KIRREL3: variants seen among roughly 807,000 people sequenced by gnomAD.
KIRREL3 encodes the protein kin of IRRE-like protein 3.
In KIRREL3, 36 loss-of-function variants were observed where a neutral mutation model predicts 89.7. The observed-to-expected ratio is 0.40, with a 90% CI of 0.31 to 0.53. The LOEUF (loss-of-function observed/expected upper bound fraction) is 0.53, where lower values mean the gene tolerates loss of function less well. KIRREL3 is among the 20% of genes least tolerant of loss of function. The pLI is 0.49. For missense variants in KIRREL3, 864 were observed against 1,056.6 expected (o/e 0.82, Z 2.53); for synonymous variants, 445 against 441.4 (o/e 1.01, Z -0.10).
At position 126,708,413 on chromosome 11, in the gene KIRREL3, G is replaced by A. The variant is rs1286629011; in HGVS notation, c.56-145501C>T. On this transcript the variant is annotated intron_variant, in intron 1 of 16. Transcript: ENST00000525144. This position sits in a 1 kb window ranked among gnomAD's most constrained non-coding sequence, Gnocchi z 5.7. ...TCTTGGAAAATGGGGAAGTACATCT[G>A]TAATTCAGCTGTGAATACCCTATTT... 6.6e-6 allele frequency among the ~76,000 whole-genome samples: 1 copy of A among 152,170 alleles called. No homozygotes were observed. Among genetic ancestry groups the A allele is most frequent in the African/African-American group, 2.4e-5 (1 of 41,434 alleles).
rs1949966938 is a variant in KIRREL3 at position 126,769,946 on chromosome 11, T to C, written c.56-207034A>G. Among the ~76,000 whole-genome samples, 2 of 152,134 alleles carry C rather than the reference T, an allele frequency of 1.3e-5. No individual in the cohort carries two copies. Among genetic ancestry groups the C allele is most frequent in the Admixed American group, 1.3e-4 (2 of 15,278 alleles). On this transcript the variant is annotated intron_variant, in intron 1 of 16. Transcript: ENST00000525144. The surrounding 1 kb of genome is among the most constrained non-coding windows in gnomAD (Gnocchi z 4.3). ...TGTTGGGCACATAGCTAGAGCTCTG[T>C]GGATATTAGCTGTTGATTATAGTTG... is the stretch of plus-strand genomic sequence containing the variant.
chr11:126,457,276 T>C (rs1956389626), intron 6 of KIRREL3, among the ~76,000 whole-genome samples: 1 of 150,082 alleles, frequency 6.7e-6, no homozygotes, highest in African/African-American at 2.4e-5. Flanking sequence ...TGTGTGTGTA[T>C]GCATATGTGT....
chr11:126,671,022 C>T (rs922662423), intron 1 of KIRREL3, among the ~76,000 whole-genome samples: 3 of 151,976 alleles, frequency 2.0e-5, no homozygotes, highest in African/African-American at 7.3e-5. Context: ...AGAAATAGAC[C>T]CACACAAATA....
rs1324905946 is a variant in KIRREL3, at chr11:126,773,167, G to C, written c.56-210255C>G. Among the ~76,000 whole-genome samples the C allele has an allele frequency of 2.0e-5, 3 of 152,118 alleles. No homozygotes were observed. The highest frequency in any genetic ancestry group is 4.4e-5 in the Non-Finnish European group (3 of 68,020). On this transcript the variant is annotated intron_variant, in intron 1 of 16. Transcript: ENST00000525144. This position sits in a 1 kb window ranked among gnomAD's most constrained non-coding sequence, Gnocchi z 4.2. Reference sequence around the variant, plus strand: ...GTAGGTCTGTGATGATTGATTTTTTGTGTCAACTTTGCTGGGACATGGTGC... The same window carrying C: ...GTAGGTCTGTGATGATTGATTTTTTCTGTCAACTTTGCTGGGACATGGTGC...
Position 126,870,586 on chromosome 11 carries a change from C to T in KIRREL3, c.55+129869G>A, listed in dbSNP as rs919644907. On this transcript the variant is annotated intron_variant, in intron 1 of 16. Transcript: ENST00000525144. The surrounding 1 kb of genome is among the most constrained non-coding windows in gnomAD (Gnocchi z 4.4). The stretch of plus-strand genomic sequence containing the variant: ...CCCTCCTGGCTCCACCATACCCTCA[C>T]CATGCCAGGCTTGGCAGGCCCCAAA... 5.9e-5 allele frequency among the ~76,000 whole-genome samples: 9 copies of T among 152,250 alleles called. No individual in the cohort carries two copies. Among genetic ancestry groups the T allele is most frequent in the African/African-American group, 2.2e-4 (9 of 41,474 alleles).
At position 126,428,680 on chromosome 11, in the gene KIRREL3, G is replaced by GCTCT. The variant is rs1555099420; in HGVS notation, c.1806+495_1806+498dup. Among the ~76,000 whole-genome samples the GCTCT allele has an allele frequency of 6.6e-6, 1 of 152,018 alleles. No homozygotes were observed. Among genetic ancestry groups the GCTCT allele is most frequent in the Non-Finnish European group, 1.5e-5 (1 of 67,998 alleles). On this transcript the variant is annotated intron_variant, in intron 15 of 16. Transcript: ENST00000525144. This position sits in a 1 kb window ranked among gnomAD's most constrained non-coding sequence, Gnocchi z 6.4. ...TGTTGTTGTTTTGAGATGGAGTCTC[G>GCTCT]CTCTCACCCAGGCTGGGGTGCAGTG...
upstream of KIRREL3, among the ~76,000 whole-genome samples, chr11:127,001,893 A>G (rs926808933): frequency 6.6e-6 from 1 of 152,108 alleles, no homozygotes; most frequent in Non-Finnish European, 1.5e-5. Flanking sequence ...ATGCACTGTG[A>G]GAAGGAGAGG....
In KIRREL3 at chr11:126,484,116, TTAA is replaced by T. The variant is rs1209618370; in HGVS notation, c.434-10653_434-10651del. 6.6e-6 allele frequency among the ~76,000 whole-genome samples: 1 copy of T among 152,208 alleles called. No homozygotes were observed. The highest frequency in any genetic ancestry group is 1.5e-5 in the Non-Finnish European group (1 of 68,046). On this transcript the variant is annotated intron_variant, in intron 4 of 16. Coordinates refer to ENST00000525144, the MANE Select transcript of KIRREL3 (RefSeq NM_032531.4). The surrounding 1 kb of genome is among the most constrained non-coding windows in gnomAD (Gnocchi z 5.2). ...GTACAGTGCCTGGCATAGTGAGCAC[TTAA>T]TAAATACTTGTTGCCTGGTGCCTTG...
rs976338784 is a variant in KIRREL3, at chr11:126,541,388, C to A, written c.134-14701G>T. The stretch of plus-strand genomic sequence containing the variant: ...CTTGATGTTCTAACTTATCCAAAAT[C>A]CTATTTCGGGGGTGGGGGGTGGTCC... On this transcript the variant is annotated intron_variant, in intron 2 of 16. Transcript: ENST00000525144. The surrounding 1 kb of genome is among the most constrained non-coding windows in gnomAD (Gnocchi z 4.8). 1.3e-5 allele frequency among the ~76,000 whole-genome samples: 2 copies of A among 152,148 alleles called. No individual in the cohort carries two copies. Among genetic ancestry groups the A allele is most frequent in the South Asian group, 2.1e-4 (1 of 4,818 alleles).
intron 4 of KIRREL3, among the ~76,000 whole-genome samples, chr11:126,505,367 C>T (rs968549716): frequency 1.2e-4 from 18 of 152,216 alleles, no homozygotes; most frequent in East Asian, 3.9e-4. Flanking sequence ...GCCAGGAGTT[C>T]GAGACCAGCC....
rs1192755318 is a variant in KIRREL3 at position 126,931,689 on chromosome 11, C to T, written c.55+68766G>A. Among the ~76,000 whole-genome samples, 1 of 152,212 alleles carries T rather than the reference C, an allele frequency of 6.6e-6. No individual in the cohort carries two copies. The highest frequency in any genetic ancestry group is 1.5e-5 in the Non-Finnish European group (1 of 68,050). Reference sequence around the variant, plus strand: ...TGGAATAGTGGCAGATACCCATATTCATTCTTCCTTACAGCATTCTGGGGA... The same window carrying T: ...TGGAATAGTGGCAGATACCCATATTTATTCTTCCTTACAGCATTCTGGGGA... On this transcript the variant is annotated intron_variant, in intron 1 of 16. Transcript: ENST00000525144. This position sits in a 1 kb window ranked among gnomAD's most constrained non-coding sequence, Gnocchi z 5.1.
Position 126,495,329 on chromosome 11 carries a change from C to T in KIRREL3, c.434-21863G>A, listed in dbSNP as rs1957628138. The stretch of plus-strand genomic sequence containing the variant: ...TGTACCCTGGCCCAAGCCTCTCTTG[C>T]CCTCTGAGCCCCAGAGATCCTCTAC... On this transcript the variant is annotated intron_variant, in intron 4 of 16. Transcript: ENST00000525144. This position sits in a 1 kb window ranked among gnomAD's most constrained non-coding sequence, Gnocchi z 6.5. 6.6e-6 allele frequency among the ~76,000 whole-genome samples: 1 copy of T among 152,190 alleles called. No individual in the cohort carries two copies. The highest frequency in any genetic ancestry group is 2.4e-5 in the African/African-American group (1 of 41,440).
chr11:126,840,392 G>C (rs1430498854), intron 1 of KIRREL3, among the ~76,000 whole-genome samples: 1 of 152,168 alleles, frequency 6.6e-6, no homozygotes, highest in African/African-American at 2.4e-5. Flanking sequence ...CATCTCCTTA[G>C]TCTTATTTTC....
chr11:126,534,775 G>C (rs1937708928), intron 2 of KIRREL3, among the ~76,000 whole-genome samples: 3 of 152,230 alleles, frequency 2.0e-5, no homozygotes, highest in Admixed American at 1.3e-4. Context: ...TGCCCTACCT[G>C]AGAAGGTAGA....
intron 1 of KIRREL3, among the ~76,000 whole-genome samples, chr11:126,945,469 G>A (rs1565447415): frequency 6.6e-6 from 1 of 152,124 alleles, no homozygotes; most frequent in Non-Finnish European, 1.5e-5. Context: ...CTGGAAGAAT[G>A]TGGCCTGGGG....
At chr11:126,745,176 G>A (rs762530325) in intron 1 of KIRREL3, among the ~76,000 whole-genome samples, 19 of 152,040 alleles carry the variant, frequency 1.2e-4, no homozygotes, top group Non-Finnish European at 2.5e-4. Context: ...TTTCTCCCCC[G>A]AAAGGCTCTG....
chr11:126,654,996 A>G (rs1945072263), intron 1 of KIRREL3, among the ~76,000 whole-genome samples: 1 of 152,146 alleles, frequency 6.6e-6, no homozygotes, highest in Admixed American at 6.5e-5. Context: ...GATTTTACAT[A>G]GGAGGAAGGA....
In KIRREL3 at chr11:126,552,688, G is replaced by T. The variant is rs563616887; in HGVS notation, c.133+10147C>A. Reference sequence around the variant, plus strand: ...TGATTCTCCTGCCTCAGCCTCCTGAGTAGCTGGGATTACAGGCACCTGCCA... The same window carrying T: ...TGATTCTCCTGCCTCAGCCTCCTGATTAGCTGGGATTACAGGCACCTGCCA... On this transcript the variant is annotated intron_variant, in intron 2 of 16. Coordinates refer to ENST00000525144, the MANE Select transcript of KIRREL3 (RefSeq NM_032531.4). 1.4e-4 allele frequency among the ~76,000 whole-genome samples: 21 copies of T among 147,430 alleles called. No homozygotes were observed. The East Asian group carries it at 4.1e-3, about 29-fold the overall frequency.
rs960433299 is a variant in KIRREL3, at chr11:126,908,253, C to A, written c.55+92202G>T. Among the ~76,000 whole-genome samples, 5 of 152,166 alleles carry A rather than the reference C, an allele frequency of 3.3e-5. No individual in the cohort carries two copies. The highest frequency in any genetic ancestry group is 2.6e-4 in the Admixed American group (4 of 15,280). The stretch of plus-strand genomic sequence containing the variant: ...AATAAATCTAGGTGGATATTCCAAT[C>A]GGTTGCTTTGACATTCATGGATGCC... On this transcript the variant is annotated intron_variant, in intron 1 of 16. Coordinates refer to ENST00000525144, the MANE Select transcript of KIRREL3 (RefSeq NM_032531.4). This position sits in a 1 kb window ranked among gnomAD's most constrained non-coding sequence, Gnocchi z 4.2.
Sources: allele counts gnomAD v4.1 joint callset (sites outside exome capture counted in the v4.1 genomes callset), GRCh38; gene constraint gnomAD v4.1.1; non-coding constraint Gnocchi (gnomAD v3.1); transcripts MANE v1.5; gene names NCBI Gene and HGNC (gene_info 2026-07-23, HGNC 2026-07-21).